Variants in CDK13 observed in about 807,000 individuals in gnomAD.
CDK13 encodes cyclin-dependent kinase 13.
CDK13 carries 40 observed loss-of-function variants against 137.6 expected under a neutral mutation model. That is an observed-to-expected ratio of 0.29 (90% CI 0.23 to 0.38). CDK13 has a LOEUF of 0.38. CDK13 is among the 10% of genes least tolerant of loss of function. The pLI is 1.00. For missense variants in CDK13, 1,704 were observed against 1,951.8 expected (o/e 0.87, Z 2.39); for synonymous variants, 869 against 760.1 (o/e 1.14, Z -2.36).
intron 9 of CDK13, among the ~76,000 whole-genome samples, chr7:40,075,156 C>A (rs578053949): frequency 6.6e-6 from 1 of 152,186 alleles, no homozygotes; most frequent in South Asian, 2.1e-4. Context: ...GGTATTGACA[C>A]CAGAGTAGAT....
At chr7:39,972,808 A>T (rs1317292707) in intron 1 of CDK13, among the ~76,000 whole-genome samples, 1 of 152,126 alleles carries the variant, frequency 6.6e-6, no homozygotes, top group Non-Finnish European at 1.5e-5. Context: ...TCTCTTGAGC[A>T]TATATCTAGG....
At chr7:40,011,824 A>G (rs1784900877) in intron 5 of CDK13, among the ~76,000 whole-genome samples, 1 of 152,244 alleles carries the variant, frequency 6.6e-6, no homozygotes, top group Non-Finnish European at 1.5e-5. Context: ...TTAGGTGGAT[A>G]CTATCATCAG....
At chr7:40,082,304 T>C (rs1236200075) in intron 11 of CDK13, among the ~76,000 whole-genome samples, 2 of 151,642 alleles carry the variant, frequency 1.3e-5, no homozygotes, top group East Asian at 4.0e-4. Flanking sequence ...CTGGCCAGGA[T>C]GGTGAAATCC....
At chr7:40,053,711 G>A (rs946750274) in intron 7 of CDK13, among the ~76,000 whole-genome samples, 2 of 148,706 alleles carry the variant, frequency 1.3e-5, no homozygotes, top group Non-Finnish European at 3.0e-5. Flanking sequence ...TTCATTCTAT[G>A]TATTATTTAT....
chr7:39,994,771 G>GTT (rs1784527740), intron 2 of CDK13, among the ~76,000 whole-genome samples: 4 of 151,968 alleles, frequency 2.6e-5, no homozygotes, highest in Admixed American at 2.6e-4. Flanking sequence ...TTCAGCCACC[G>GTT]TTTGGCTTTT....
At chr7:39,969,662 A>G (rs966423913) in intron 1 of CDK13, among the ~76,000 whole-genome samples, 1 of 151,520 alleles carries the variant, frequency 6.6e-6, no homozygotes, top group Non-Finnish European at 1.5e-5. Flanking sequence ...CACCTCCTCA[A>G]TAAGACTTAT....
chr7:40,022,317 T>G (rs1414165917), intron 5 of CDK13, among the ~76,000 whole-genome samples: 3 of 152,176 alleles, frequency 2.0e-5, no homozygotes, highest in African/African-American at 7.2e-5. Context: ...TCTTGTAATG[T>G]GCATGTATCA....
At chr7:40,001,181 TAAAA>T in intron 4 of CDK13, among the ~76,000 whole-genome samples, 1 of 151,770 alleles carries the variant, frequency 6.6e-6, no homozygotes, top group South Asian at 2.1e-4. Flanking sequence ...TTAAAAAAAA[TAAAA>T]ATGACAGTGT....
intron 5 of CDK13, among the ~76,000 whole-genome samples, chr7:40,023,504 C>CTT (rs70996872): frequency 3.9e-4 from 57 of 145,382 alleles, no homozygotes; most frequent in Middle Eastern, 3.5e-3. Context: ...GGATTGATCT[C>CTT]TTTTTTTTTT....
intron 1 of CDK13, among the ~76,000 whole-genome samples, chr7:39,962,345 G>T (rs940826690): frequency 6.5e-4 from 99 of 152,170 alleles, no homozygotes; most frequent in Admixed American, 1.6e-3. Flanking sequence ...GTGTGAGATG[G>T]TATCTCATTG....
At chr7:40,018,116 A>G (rs756081089) in intron 5 of CDK13, among the ~76,000 whole-genome samples, 15 of 152,066 alleles carry the variant, frequency 9.9e-5, no homozygotes, top group Non-Finnish European at 1.8e-4. Flanking sequence ...TTAGATGGAT[A>G]TGAGGTCTGA....
At position 39,950,912 on chromosome 7, in the gene CDK13, C is replaced by A; in HGVS notation, c.271C>A (p.Arg91=). 7.5e-7 allele frequency: 1 copy of A among 1,330,862 alleles called. No homozygotes were observed. The highest frequency in any genetic ancestry group is 2.0e-5 in the South Asian group (1 of 48,902). The allele number at this position is 1,330,862 out of a possible 1,614,324, so 82.4% of individuals were successfully genotyped here. ...FSPGPPLEVK[R]LARGKRRAGG... ...CCCGGGCCCCCCTCTGGAGGTCAAGCGGCTGGCGAGAGGCAAGAGGCGCGC... is the reference window on the plus strand; with the variant it reads ...CCCGGGCCCCCCTCTGGAGGTCAAGAGGCTGGCGAGAGGCAAGAGGCGCGC... The change falls in exon 1 of 14, where the codon CGG becomes AGG. Residue 91 remains arginine (R), a synonymous_variant. Coordinates refer to ENST00000181839, the MANE Select transcript of CDK13 (RefSeq NM_003718.5).
intron 9 of CDK13, chr7:40,067,026 A>G (rs1056460357): frequency 1.3e-5 from 2 of 152,014 alleles, no homozygotes; most frequent in African/African-American, 2.4e-5. Flanking sequence ...TATTAAAGAT[A>G]GTTAACATCT....
chr7:40,029,063 A>AT (rs922811812), intron 5 of CDK13, among the ~76,000 whole-genome samples: 44 of 148,374 alleles, frequency 3.0e-4, no homozygotes, highest in Middle Eastern at 3.5e-3. Context: ...ATATTGGAAA[A>AT]TTTTTTTTTT....
chr7:40,003,734 CCCTG>C (rs1784742158), intron 5 of CDK13, among the ~76,000 whole-genome samples: 1 of 152,150 alleles, frequency 6.6e-6, no homozygotes, highest in Non-Finnish European at 1.5e-5. Flanking sequence ...GAGATCACCT[CCCTG>C]CCTACTTCTC....
At chr7:39,965,601 C>G (rs1310103186) in intron 1 of CDK13, among the ~76,000 whole-genome samples, 1 of 152,136 alleles carries the variant, frequency 6.6e-6, no homozygotes, top group African/African-American at 2.4e-5. Context: ...TTAATTGGAG[C>G]ATTTAGCCCA....
chr7:40,017,668 A>G (rs572716794), intron 5 of CDK13, among the ~76,000 whole-genome samples: 1 of 151,992 alleles, frequency 6.6e-6, no homozygotes, highest in African/African-American at 2.4e-5. Context: ...TCCCATTTAT[A>G]TTGCTTGCCC....
intron 4 of CDK13, among the ~76,000 whole-genome samples, chr7:39,999,927 G>C (rs889746364): frequency 3.5e-4 from 53 of 152,034 alleles, no homozygotes; most frequent in African/African-American, 1.3e-3. Context: ...GCCAGTTTTA[G>C]CAGCTTAATC....
intron 11 of CDK13, among the ~76,000 whole-genome samples, chr7:40,086,804 TTA>T (rs1786796081): frequency 6.7e-6 from 1 of 150,278 alleles, no homozygotes; most frequent in African/African-American, 2.4e-5. Context: ...TGTTCTAGCC[TTA>T]CTCTTTTTTT....
Sources: allele counts gnomAD v4.1 joint callset (sites outside exome capture counted in the v4.1 genomes callset), GRCh38; gene constraint gnomAD v4.1.1; transcripts MANE v1.5; gene names NCBI Gene and HGNC (gene_info 2026-07-23, HGNC 2026-07-21).